The following NFATC1 variants were observed in gnomAD, a reference collection of about 807,000 sequenced individuals.
NFATC1 encodes nuclear factor of activated T cells 1.
In NFATC1, 22 loss-of-function variants were observed where a neutral mutation model predicts 76.0. The observed-to-expected ratio is 0.29, with a 90% CI of 0.21 to 0.41. The LOEUF is 0.41. NFATC1 is among the 10% of genes least tolerant of loss of function. The pLI is 1.00. For missense variants in NFATC1, 1,357 were observed against 1,337.7 expected (o/e 1.01, Z -0.23); for synonymous variants, 704 against 613.1 (o/e 1.15, Z -2.19).
intron 3 of NFATC1, among the ~76,000 whole-genome samples, chr18:79,446,658 G>T (rs561047187): frequency 6.6e-6 from 1 of 152,062 alleles, no homozygotes; most frequent in Non-Finnish European, 1.5e-5. Context: ...AGCGTCCCCC[G>T]TCCTGACTGT....
chr18:79,448,558 G>T, intron 3 of NFATC1: 1 of 583,674 alleles, frequency 1.7e-6, no homozygotes, highest in Non-Finnish European at 3.0e-6. Context: ...ATACGTGCAA[G>T]GCCCGTTTCA....
In NFATC1 at chr18:79,504,410, T is replaced by G. The variant is rs570207781; in HGVS notation, c.2782+17473T>G. On this transcript the variant is annotated intron_variant, in intron 9 of 9. Transcript: ENST00000427363. ...GGAGGCCTGAGCCCAGGGAGAGAGA[T>G]AGAGAATGGCTGGTCAGTGGAGCAG... Among the ~76,000 whole-genome samples, 3 of 152,166 alleles carry G rather than the reference T, an allele frequency of 2.0e-5. 1 individual carries two copies. The highest frequency in any genetic ancestry group is 4.4e-5 in the Non-Finnish European group (3 of 68,042).
chr18:79,396,882 C>A (rs1227610911), intron 1 of NFATC1, among the ~76,000 whole-genome samples: 1 of 152,016 alleles, frequency 6.6e-6, no homozygotes, highest in African/African-American at 2.4e-5. Context: ...GTCACGCCGG[C>A]TCCTGGACCT....
At chr18:79,438,909 G>A (rs1231283852) in intron 3 of NFATC1, among the ~76,000 whole-genome samples, 3 of 152,210 alleles carry the variant, frequency 2.0e-5, no homozygotes, top group Admixed American at 6.5e-5. Context: ...CGTAACAGAC[G>A]TTTTTTCTGT....
intron 9 of NFATC1, among the ~76,000 whole-genome samples, chr18:79,491,885 A>G (rs557693676): frequency 6.6e-6 from 1 of 152,134 alleles, no homozygotes; most frequent in East Asian, 1.9e-4. Flanking sequence ...CCGCCTGACC[A>G]GAATCAGAGC....
At chr18:79,458,202 G>A (rs1600781531) in intron 6 of NFATC1, among the ~76,000 whole-genome samples, 6 of 152,210 alleles carry the variant, frequency 3.9e-5, no homozygotes, top group Admixed American at 3.9e-4. Flanking sequence ...TGGGAGCCAG[G>A]CTGGGACAGA....
intron 9 of NFATC1, among the ~76,000 whole-genome samples, chr18:79,500,244 A>G (rs959571632): frequency 1.3e-5 from 2 of 152,186 alleles, no homozygotes; most frequent in South Asian, 2.1e-4. Context: ...TCAACAACAG[A>G]TATTTCCACA....
chr18:79,411,224 A>G lies in NFATC1; in HGVS notation c.949A>G (p.Asn317Asp), dbSNP rs1464778587. Residue 317 changes from asparagine (N) to aspartate (D), a missense_variant, in exon 2 of 10, where the codon AAC becomes GAC. Asn to Asp is a conservative substitution (Grantham distance 23). Coordinates refer to ENST00000427363, the MANE Select transcript of NFATC1 (RefSeq NM_001278669.2). ...YTSSAIVAAI[N>D]ALTTDSSLDL... ...CAGCTCGGCCATCGTGGCCGCCATC[A>G]ACGCGCTGACCACCGACAGCAGCCT... The G allele has an allele frequency of 1.2e-6, 2 of 1,605,330 alleles. No homozygotes were observed. Among genetic ancestry groups the G allele is most frequent in the South Asian group, 2.2e-5 (2 of 91,046 alleles).
At chr18:79,400,474 C>T in intron 1 of NFATC1, 1 of 1,484,598 alleles carries the variant, frequency 6.7e-7, no homozygotes, top group Non-Finnish European at 9.0e-7. Context: ...GCCGCGGCCG[C>T]CCCAGGTGGG....
At position 79,524,913 on chromosome 18, in the gene NFATC1, G is replaced by A. The variant is rs908356544; in HGVS notation, c.2783-2615G>A. 7.9e-5 allele frequency among the ~76,000 whole-genome samples: 12 copies of A among 151,968 alleles called. No homozygotes were observed. The highest frequency in any genetic ancestry group is 2.1e-4 in the South Asian group (1 of 4,830). On this transcript the variant is annotated intron_variant, in intron 9 of 9. Coordinates refer to ENST00000427363, the MANE Select transcript of NFATC1 (RefSeq NM_001278669.2). The surrounding 1 kb of genome is among the most constrained non-coding windows in gnomAD (Gnocchi z 7.2). The stretch of plus-strand genomic sequence containing the variant: ...GACGGCTCTCGGCGGCCATGCAGGC[G>A]GCCTGTCCCACGAACACGATGGAGA...
chr18:79,475,374 TCGA>T (rs2089019941), intron 8 of NFATC1, among the ~76,000 whole-genome samples: 1 of 150,108 alleles, frequency 6.7e-6, no homozygotes, highest in African/African-American at 2.5e-5. Context: ...ACGCTCACTG[TCGA>T]CGTTGCGAGG....
chr18:79,483,043 C>G (rs76064759), intron 8 of NFATC1, among the ~76,000 whole-genome samples: 6 of 130,570 alleles, frequency 4.6e-5, no homozygotes, highest in African/African-American at 1.7e-4. Context: ...GTAATTCCAG[C>G]GTGACCTGGT....
rs772832610 is a variant in NFATC1, at chr18:79,411,062, T to G, written c.787T>G (p.Cys263Gly). The G allele has an allele frequency of 9.3e-6, 15 of 1,611,594 alleles. No homozygotes were observed. The East Asian group carries it at 3.1e-4, about 34-fold the overall frequency. ...CCGCTCCTCCAGACCCGCGTCCCCTTGCAACAAGAGGAAGTACAGCCTCAA... is the reference window on the plus strand; with the variant it reads ...CCGCTCCTCCAGACCCGCGTCCCCTGGCAACAAGAGGAAGTACAGCCTCAA... ...GARSSRPASPCNKRKYSLNGR... is the reference protein window; with the variant it reads ...GARSSRPASPGNKRKYSLNGR... Residue 263 changes from cysteine (C) to glycine (G), a missense_variant, in exon 2 of 10, where the codon TGC (cysteine) becomes GGC (glycine). Coordinates refer to ENST00000427363, the MANE Select transcript of NFATC1 (RefSeq NM_001278669.2).
At chr18:79,425,595 A>G (rs986018252) in intron 2 of NFATC1, among the ~76,000 whole-genome samples, 1 of 152,238 alleles carries the variant, frequency 6.6e-6, no homozygotes, top group African/African-American at 2.4e-5. Context: ...CCACTTAAAC[A>G]AAGGAACTGC....
At chr18:79,416,024 T>C (rs2085864595) in intron 2 of NFATC1, among the ~76,000 whole-genome samples, 1 of 152,230 alleles carries the variant, frequency 6.6e-6, no homozygotes, top group African/African-American at 2.4e-5. Context: ...GTCGTGCCAC[T>C]GCACTCCAGC....
intron 3 of NFATC1, among the ~76,000 whole-genome samples, chr18:79,445,471 G>A (rs561412596): frequency 2.0e-5 from 3 of 152,286 alleles, no homozygotes; most frequent in Non-Finnish European, 2.9e-5. Context: ...GACGCACCAC[G>A]GCCTTCACCT....
intron 8 of NFATC1, among the ~76,000 whole-genome samples, chr18:79,483,955 C>CCAGCGTGACCTGGTTCCTGGGGTGTCAT (rs1569018866): frequency 5.2e-5 from 7 of 134,310 alleles, no homozygotes; most frequent in African/African-American, 8.7e-5. Context: ...TGGGGTGTCA[C>CCAGCGTGACCTGGTTCCTGGGGTGTCAT]TCCAGGGTGA....
At position 79,451,672 on chromosome 18, in the gene NFATC1, G is replaced by A. The variant is rs775062378; in HGVS notation, c.1763-4G>A. On this transcript the variant is annotated splice_polypyrimidine_tract_variant and splice_region_variant and intron_variant, in intron 5 of 9. Transcript: ENST00000427363. ...CCCTCACTGCCCCTCTCCTTCTGAT[G>A]CAGCCCAGCGCTCAGCTCAGGAGCT... is the stretch of plus-strand genomic sequence containing the variant. The A allele has an allele frequency of 1.3e-6, 2 of 1,587,856 alleles. No individual in the cohort carries two copies. Among genetic ancestry groups the A allele is most frequent in the South Asian group, 2.3e-5 (2 of 86,636 alleles).
At position 79,456,367 on chromosome 18, in the gene NFATC1, TC is replaced by T. The variant is rs1444162351; in HGVS notation, c.1903+4555del. 4.6e-5 allele frequency among the ~76,000 whole-genome samples: 7 copies of T among 151,804 alleles called. No individual in the cohort carries two copies. The East Asian group carries it at 1.4e-3, about 30-fold the overall frequency. On this transcript the variant is annotated intron_variant, in intron 6 of 9. Transcript: ENST00000427363. ...CGCCCAGAGAGCCGGGTCAGAGGAGTCCCCAGGCCTGAAGCCACTCCCTCCG... is the reference window on the plus strand; with the variant it reads ...CGCCCAGAGAGCCGGGTCAGAGGAGTCCCAGGCCTGAAGCCACTCCCTCCG...
Sources: allele counts gnomAD v4.1 joint callset (sites outside exome capture counted in the v4.1 genomes callset), GRCh38; gene constraint gnomAD v4.1.1; non-coding constraint Gnocchi (gnomAD v3.1); transcripts MANE v1.5; gene names NCBI Gene and HGNC (gene_info 2026-07-23, HGNC 2026-07-21).